Variants in WDR59 observed in about 807,000 individuals in gnomAD.
WDR59 encodes WD repeat domain 59.
Under a neutral mutation model 131.2 loss-of-function variants are expected in WDR59, and 100 were observed. The observed-to-expected ratio is 0.76, with a 90% CI of 0.65 to 0.90. WDR59 has a LOEUF of 0.90. WDR59 is among the 40% of genes least tolerant of loss of function. The pLI is 0.00. For synonymous variants in WDR59, 601 were observed against 466.2 expected (o/e 1.29, Z -3.72); for missense variants, 1,203 against 1,262.2 (o/e 0.95, Z 0.71).
At chr16:74,908,851 C>A in intron 17 of WDR59, 57 bp downstream of exon 17, 2 of 1,502,816 alleles carry the variant, frequency 1.3e-6, no homozygotes, top group Non-Finnish European at 1.9e-6. Context: ...CTTCCCAGGT[C>A]TCTGGCCACT....
chr16:74,924,236 C>T (rs113790137), intron 8 of WDR59, among the ~76,000 whole-genome samples: 29 of 152,244 alleles, frequency 1.9e-4, no homozygotes, highest in African/African-American at 6.7e-4. Flanking sequence ...CCACTAAACG[C>T]GGCAGGTCAC....
intron 17 of WDR59, among the ~76,000 whole-genome samples, chr16:74,907,835 C>A (rs1965892615): frequency 1.3e-5 from 2 of 152,138 alleles, no homozygotes; most frequent in Non-Finnish European, 1.5e-5. Flanking sequence ...CTTAATCTTC[C>A]CAGCAACTGC....
chr16:74,888,022 G>A, intron 22 of WDR59, 147 bp downstream of exon 22: 3 of 1,064,412 alleles, frequency 2.8e-6, no homozygotes, highest in Admixed American at 2.9e-5. Context: ...GGAGGCTGAG[G>A]CACGAGAATT....
In WDR59 at chr16:74,981,638, ATATATATATATATATATATATAT is replaced by A. The variant is rs1202982181; in HGVS notation, c.54+3303_54+3325del. 3.6e-3 allele frequency among the ~76,000 whole-genome samples: 24 copies of A among 6,630 alleles called. 2 individuals are homozygous for A. Among genetic ancestry groups the A allele is most frequent in the African/African-American group, 5.3e-3 (12 of 2,264 alleles). The allele number at this position is 6,630 out of a possible 152,430, so 4.3% of individuals were successfully genotyped here. On this transcript the variant is annotated intron_variant, in intron 1 of 25. Coordinates refer to ENST00000262144, the MANE Select transcript of WDR59 (RefSeq NM_030581.4). ...CATATATATATATATATATATATAT[ATATATATATATATATATATATAT>A]TTTTTTTTTTTTTAGATGGAGTCTC...
chr16:74,890,386 A>T (rs1964979207), intron 20 of WDR59, among the ~76,000 whole-genome samples: 1 of 152,132 alleles, frequency 6.6e-6, no homozygotes, highest in African/African-American at 2.4e-5. Context: ...CCTGGACTCA[A>T]GTGATCCACC....
At chr16:74,938,327 G>T in intron 7 of WDR59, 61 bp from the exon 8 acceptor site, 1 of 1,184,658 alleles carries the variant, frequency 8.4e-7, no homozygotes, top group Non-Finnish European at 1.1e-6. Context: ...TGTCTATCAC[G>T]TAAAAGTCTG....
chr16:74,916,388 A>C (rs17673200), intron 11 of WDR59, 129 bp from the exon 12 acceptor site: 103,752 of 1,195,678 alleles, frequency 0.087, 5,628 homozygotes, highest in Admixed American at 0.2. Flanking sequence ...GAGCTGACAT[A>C]ATCAAAATAG....
At chr16:74,908,716 T>C (rs1312279091) in intron 17 of WDR59, 192 bp downstream of exon 17, 3 of 532,130 alleles carry the variant, frequency 5.6e-6, no homozygotes, top group South Asian at 3.0e-5. Context: ...GGTTTGGTAA[T>C]AACCATACAG....
intron 1 of WDR59, among the ~76,000 whole-genome samples, chr16:74,979,498 C>G (rs1259802046): frequency 6.9e-6 from 1 of 145,414 alleles, no homozygotes; most frequent in Non-Finnish European, 1.5e-5. Context: ...AACAAACAAA[C>G]AAAAAAACAG....
chr16:74,916,297 C>T (rs1034139755), intron 11 of WDR59, 38 bp from the exon 12 acceptor site: 5 of 1,611,524 alleles, frequency 3.1e-6, no homozygotes, highest in Non-Finnish European at 4.2e-6. Context: ...CTAGAGAAGT[C>T]CGTGGAAATG....
chr16:74,981,635 T>TATATATATATATATATAC (rs2034416587), intron 1 of WDR59, among the ~76,000 whole-genome samples: 1 of 25,740 alleles, frequency 3.9e-5, no homozygotes, highest in African/African-American at 1.6e-4. Context: ...TATATATATA[T>TATATATATATATATATAC]ATATATATAT....
At chr16:74,903,412 C>T (rs1965648379) in intron 18 of WDR59, among the ~76,000 whole-genome samples, 1 of 151,930 alleles carries the variant, frequency 6.6e-6, no homozygotes, top group Admixed American at 6.6e-5. Context: ...ATTTAAGAAA[C>T]TAGGCACATA....
intron 7 of WDR59, among the ~76,000 whole-genome samples, chr16:74,941,074 G>A (rs899877582): frequency 1.3e-5 from 2 of 151,982 alleles, no homozygotes; most frequent in African/African-American, 4.8e-5. Context: ...GCCAGGAGCA[G>A]TGGCTCATGT....
intron 6 of WDR59, among the ~76,000 whole-genome samples, chr16:74,946,519 C>T (rs1358484138): frequency 6.6e-6 from 1 of 151,944 alleles, no homozygotes; most frequent in South Asian, 2.1e-4. Context: ...GTCAGGAGCT[C>T]GAGACCAGCC....
Position 74,965,758 on chromosome 16 carries a change from G to C in WDR59, c.104+15C>G, listed in dbSNP as rs528798017. On this transcript the variant is annotated intron_variant, in intron 2 of 25. Coordinates refer to ENST00000262144, the MANE Select transcript of WDR59 (RefSeq NM_030581.4). The stretch of plus-strand genomic sequence containing the variant: ...TCCAGAAATCATGGCAGACAAACTC[G>C]GCAAGCTTACTTACCCAGAAAGCAC... 1.2e-5 allele frequency: 19 copies of C among 1,613,720 alleles called. No homozygotes were observed. In the South Asian group the frequency reaches 2.0e-4, roughly 17 times the overall value.
chr16:74,938,029 C>A, intron 8 of WDR59, 121 bp downstream of exon 8: 1 of 645,642 alleles, frequency 1.5e-6, no homozygotes, highest in Non-Finnish European at 2.4e-6. Context: ...GCCCAAGAAG[C>A]ACATGCACCG....
At chr16:74,939,650 A>G (rs913537132) in intron 7 of WDR59, among the ~76,000 whole-genome samples, 4 of 152,094 alleles carry the variant, frequency 2.6e-5, no homozygotes, top group Non-Finnish European at 5.9e-5. Flanking sequence ...TTCTACAGAG[A>G]GCATGTATTA....
chr16:74,964,960 A>G (rs1567437558), intron 2 of WDR59, among the ~76,000 whole-genome samples: 1 of 152,150 alleles, frequency 6.6e-6, no homozygotes, highest in East Asian at 1.9e-4. Flanking sequence ...GCTACCTGGG[A>G]AGCTGAGGCA....
Position 74,922,254 on chromosome 16 carries a change from T to C in WDR59, c.730-151A>G, listed in dbSNP as rs1272436190. On this transcript the variant is annotated intron_variant, in intron 9 of 25. Coordinates refer to ENST00000262144, the MANE Select transcript of WDR59 (RefSeq NM_030581.4). ...CTGGAGAAATTTTTCCCAAACACCATAGGCTGCACATCGCGTCTACTTTTC... is the reference window on the plus strand; with the variant it reads ...CTGGAGAAATTTTTCCCAAACACCACAGGCTGCACATCGCGTCTACTTTTC... 8 of 926,518 alleles carry C rather than the reference T, an allele frequency of 8.6e-6. No individual in the cohort carries two copies. The East Asian group carries it at 1.1e-4, about 12-fold the overall frequency. The allele number at this position is 926,518 out of a possible 1,614,324, so 57.4% of individuals were successfully genotyped here.
Sources: gnomAD v4.1 joint callset for allele counts (sites outside exome capture counted in the v4.1 genomes callset) on GRCh38, gnomAD v4.1.1 for gene constraint, MANE v1.5 for transcripts, NCBI Gene and HGNC (gene_info 2026-07-23, HGNC 2026-07-21) for gene names.